Variants in SLC25A21 observed in about 807,000 individuals in gnomAD.
SLC25A21 encodes the protein mitochondrial 2-oxodicarboxylate carrier.
Under a neutral mutation model 43.8 loss-of-function variants are expected in SLC25A21, and 47 were observed. That is an observed-to-expected ratio of 1.07 (90% confidence interval 0.85 to 1.37). The LOEUF is 1.37. Ranked by LOEUF, SLC25A21 falls within the 40% of genes most tolerant of loss-of-function variation. The probability of loss-of-function intolerance (pLI) is 0.00; values close to 1 mark genes in which losing one functional copy is unlikely to be tolerated. For missense variants in SLC25A21, 352 were observed against 350.2 expected (o/e 1.00, Z -0.04); for synonymous variants, 131 against 121.3 (o/e 1.08, Z -0.52).
chr14:36,748,289 G>T lies in SLC25A21; in HGVS notation c.204-13716C>A, dbSNP rs1046553810. Among the ~76,000 whole-genome samples, 7 of 152,152 alleles carry T rather than the reference G, an allele frequency of 4.6e-5. No homozygotes were observed. The East Asian group carries it at 1.2e-3, about 25-fold the overall frequency. On this transcript the variant is annotated intron_variant, in intron 3 of 9. Coordinates refer to ENST00000331299, the MANE Select transcript of SLC25A21 (RefSeq NM_030631.4). Reference sequence around the variant, plus strand: ...AAGGCCTCCACCTCGGGCTCTGTTTGGTTTCTGCACGGAGCTAAAATGCTG... The same window carrying T: ...AAGGCCTCCACCTCGGGCTCTGTTTTGTTTCTGCACGGAGCTAAAATGCTG...
chr14:36,941,208 A>C (rs1257066377), intron 1 of SLC25A21, among the ~76,000 whole-genome samples: 2 of 152,112 alleles, frequency 1.3e-5, no homozygotes, highest in Non-Finnish European at 2.9e-5. Context: ...ATCTTATCCC[A>C]TAATATATCA....
At position 37,172,440 on chromosome 14, in the gene SLC25A21, G is replaced by A. The variant is rs909890540; in HGVS notation, c.-90C>T. The A allele has an allele frequency of 9.4e-6, 13 of 1,380,120 alleles. No homozygotes were observed. The highest frequency in any genetic ancestry group is 1.3e-5 in the Non-Finnish European group (13 of 990,810). 85.5% of individuals were successfully genotyped at this position (1,380,120 alleles called of 1,614,324 possible). Reference sequence around the variant, plus strand: ...CCTACTGATCCAGAGAGCCCCGGCTGGGCTGGTCCTCAAGCGCGTTGGCTC... The same window carrying A: ...CCTACTGATCCAGAGAGCCCCGGCTAGGCTGGTCCTCAAGCGCGTTGGCTC... On this transcript the variant is annotated 5_prime_UTR_variant, in exon 1 of 10. Coordinates refer to ENST00000331299, the MANE Select transcript of SLC25A21 (RefSeq NM_030631.4).
rs138900449 is a variant in SLC25A21 at position 36,697,076 on chromosome 14, T to A, written c.604-12151A>T. 5.2e-3 allele frequency among the ~76,000 whole-genome samples: 794 copies of A among 152,322 alleles called. 10 individuals are homozygous for A. The highest frequency in any genetic ancestry group is 0.018 in the African/African-American group (756 of 41,578). ...CTATAAATTTCCCTGTACACACCGC[T>A]TTAAATGTGTCCCAGAGATTCTGGT... is the stretch of plus-strand genomic sequence containing the variant. On this transcript the variant is annotated intron_variant, in intron 7 of 9. Coordinates refer to ENST00000331299, the MANE Select transcript of SLC25A21 (RefSeq NM_030631.4).
chr14:36,851,418 A>C (rs1226416793), intron 2 of SLC25A21, among the ~76,000 whole-genome samples: 1 of 152,224 alleles, frequency 6.6e-6, no homozygotes. Context: ...ATCAGGCAGC[A>C]AGAATTTAGG....
chr14:36,878,892 C>G (rs1227697455), intron 1 of SLC25A21, among the ~76,000 whole-genome samples: 4 of 152,096 alleles, frequency 2.6e-5, no homozygotes. Flanking sequence ...ATCTCCCCTA[C>G]TCATTCATGA....
chr14:36,808,023 C>G (rs1334949472), intron 3 of SLC25A21, among the ~76,000 whole-genome samples: 2 of 152,142 alleles, frequency 1.3e-5, no homozygotes, highest in Admixed American at 6.5e-5. Flanking sequence ...AAGATGATAC[C>G]TGGGGCAGCA....
At chr14:37,118,814 G>GT (rs1423462439) in intron 1 of SLC25A21, among the ~76,000 whole-genome samples, 1 of 151,832 alleles carries the variant, frequency 6.6e-6, no homozygotes, top group Non-Finnish European at 1.5e-5. Flanking sequence ...TAATTTAAAG[G>GT]TTTTTTCAGA....
intron 1 of SLC25A21, among the ~76,000 whole-genome samples, chr14:37,152,686 T>C (rs1331293421): frequency 2.6e-5 from 4 of 152,140 alleles, no homozygotes; most frequent in African/African-American, 4.8e-5. Context: ...GGAGTTAGAA[T>C]GTGTAAAACA....
At chr14:36,835,521 T>C (rs1331623128) in intron 2 of SLC25A21, among the ~76,000 whole-genome samples, 9 of 152,172 alleles carry the variant, frequency 5.9e-5, no homozygotes, top group Non-Finnish European at 1.2e-4. Context: ...TCATTGGTCA[T>C]AAAGCCTCTA....
chr14:36,935,642 T>C (rs758916288), intron 1 of SLC25A21, among the ~76,000 whole-genome samples: 1 of 151,964 alleles, frequency 6.6e-6, no homozygotes, highest in Non-Finnish European at 1.5e-5. Flanking sequence ...TCCTTGAATA[T>C]ACCAGGCTAC....
intron 1 of SLC25A21, among the ~76,000 whole-genome samples, chr14:36,974,648 G>A (rs1566783993): frequency 6.6e-6 from 1 of 152,116 alleles, no homozygotes; most frequent in Admixed American, 6.6e-5. Context: ...TGCACCTTGG[G>A]CATCTTTGAT....
intron 7 of SLC25A21, among the ~76,000 whole-genome samples, chr14:36,687,676 G>A (rs1330426155): frequency 3.3e-5 from 5 of 152,172 alleles, no homozygotes; most frequent in Admixed American, 1.3e-4. Context: ...GAGGACAACT[G>A]TCTCAGCTCG....
At chr14:37,151,981 G>T (rs898510833) in intron 1 of SLC25A21, among the ~76,000 whole-genome samples, 1 of 152,118 alleles carries the variant, frequency 6.6e-6, no homozygotes, top group Non-Finnish European at 1.5e-5. Context: ...TTTGCAGTGA[G>T]CCGAGGTCAC....
intron 1 of SLC25A21, among the ~76,000 whole-genome samples, chr14:37,110,372 T>C (rs544533783): frequency 3.7e-4 from 56 of 152,316 alleles, no homozygotes; most frequent in Non-Finnish European, 7.2e-4. Flanking sequence ...AATAGGCTTA[T>C]GGAGAACAGG....
intron 7 of SLC25A21, among the ~76,000 whole-genome samples, chr14:36,687,447 A>T (rs376192631): frequency 6.6e-6 from 1 of 152,216 alleles, no homozygotes; most frequent in East Asian, 1.9e-4. Context: ...TGAGGCTGCC[A>T]GATAAGGACC....
intron 1 of SLC25A21, among the ~76,000 whole-genome samples, chr14:37,075,530 C>T (rs776876946): frequency 3.3e-5 from 5 of 152,080 alleles, no homozygotes; most frequent in Admixed American, 6.5e-5. Context: ...AAACAGTGTA[C>T]ATAGAGTGAC....
At chr14:37,163,090 A>G (rs1963974480) in intron 1 of SLC25A21, among the ~76,000 whole-genome samples, 1 of 150,334 alleles carries the variant, frequency 6.7e-6, no homozygotes, top group Non-Finnish European at 1.5e-5. Context: ...GAATTGAACA[A>G]TGAGAACACA....
intron 2 of SLC25A21, among the ~76,000 whole-genome samples, chr14:36,835,134 C>A (rs1320400588): frequency 6.6e-6 from 1 of 152,176 alleles, no homozygotes; most frequent in East Asian, 1.9e-4. Flanking sequence ...CTAGACTGAG[C>A]AGACATAAGT....
intron 1 of SLC25A21, among the ~76,000 whole-genome samples, chr14:37,146,084 T>C (rs1963659181): frequency 6.6e-6 from 1 of 152,174 alleles, no homozygotes; most frequent in Non-Finnish European, 1.5e-5. Context: ...GTTTAGGAAA[T>C]ATCTCCCTAC....
Sources: gnomAD v4.1 joint callset for allele counts (sites outside exome capture counted in the v4.1 genomes callset) on GRCh38, gnomAD v4.1.1 for gene constraint, MANE v1.5 for transcripts, NCBI Gene and HGNC (gene_info 2026-07-23, HGNC 2026-07-21) for gene names.